The following CCSAP variants were observed in gnomAD, a reference collection of about 807,000 sequenced individuals.
CCSAP encodes the protein centriole, cilia and spindle associated protein.
Under a neutral mutation model 25.9 loss-of-function variants are expected in CCSAP, and 17 were observed. The ratio of observed to expected loss-of-function variants is 0.66; its 90% CI spans 0.45 to 0.99. The LOEUF (loss-of-function observed/expected upper bound fraction) is 0.99. CCSAP is among the 50% of genes least tolerant of loss of function. CCSAP has a pLI of 0.00. For synonymous variants in CCSAP, 169 were observed against 157.1 expected (o/e 1.08, Z -0.57); for missense variants, 339 against 367.8 (o/e 0.92, Z 0.64).
chr1:229,338,532 A>C (rs1658254299), intron 2 of CCSAP, among the ~76,000 whole-genome samples: 2 of 130,358 alleles, frequency 1.5e-5, no homozygotes, highest in Admixed American at 7.7e-5. Context: ...TCCACCCCCA[A>C]ACCCCAACAC....
At chr1:229,339,300 A>G (rs997645686) in intron 2 of CCSAP, among the ~76,000 whole-genome samples, 5 of 152,188 alleles carry the variant, frequency 3.3e-5, no homozygotes, top group Non-Finnish European at 7.3e-5. Context: ...AAAGATCAAG[A>G]TCAAGAATCA....
chr1:229,342,200 G>A lies in CCSAP; in HGVS notation c.266C>T (p.Thr89Ile). The A allele has an allele frequency of 1.6e-6, 2 of 1,261,560 alleles. No homozygotes were observed. Among genetic ancestry groups the A allele is most frequent in the Non-Finnish European group, 2.0e-6 (2 of 1,005,856 alleles). 78.1% of individuals were successfully genotyped at this position (1,261,560 alleles called of 1,614,324 possible). A position where few individuals can be genotyped will look rare whatever the true frequency, so the allele number is the denominator to read the frequency against. The stretch of plus-strand genomic sequence containing the variant: ...CGCCCGCCGTTCCGCCTCCTCCTGG[G>A]TCGCCGGCTCTACGGGCGGCGGGGG... ...PSPPPPVEPA[T>I]QEEAERRARG... The change falls in exon 2 of 4, where the codon ACC (threonine) becomes ATC (isoleucine). Residue 89 changes from threonine (T) to isoleucine (I), a missense_variant. Transcript: ENST00000284617. This position sits in a 1 kb window ranked among gnomAD's most constrained non-coding sequence, Gnocchi z 7.5.
chr1:229,334,598 A>C (rs1658152509), intron 2 of CCSAP, among the ~76,000 whole-genome samples: 1 of 152,158 alleles, frequency 6.6e-6, no homozygotes, highest in Non-Finnish European at 1.5e-5. Flanking sequence ...AAAAATAATA[A>C]ATTAATGAAA....
chr1:229,332,131 C>G (rs1658083013), intron 2 of CCSAP, among the ~76,000 whole-genome samples: 1 of 152,216 alleles, frequency 6.6e-6, no homozygotes, highest in African/African-American at 2.4e-5. Flanking sequence ...GCGTGAGCCA[C>G]TGCGCCCGGC....
intron 2 of CCSAP, among the ~76,000 whole-genome samples, chr1:229,330,454 G>T (rs963581066): frequency 1.3e-5 from 2 of 152,304 alleles, no homozygotes; most frequent in African/African-American, 4.8e-5. Flanking sequence ...TAATGCACAG[G>T]CAAAGAAAGG....
At position 229,327,002 on chromosome 1, in the gene CCSAP, C is replaced by T; in HGVS notation, c.372G>A (p.Leu124=). The part of the protein sequence containing the change: ...EDAEDAALPA[L]PVKDVEDKPE... ...GTTTATCTTCTACATCTTTCACTGG[C>T]AGTGCTTTTGAAAAGAGATAAATGA... Residue 124 remains leucine (L), a synonymous_variant, in exon 3 of 4, where the codon CTG becomes CTA. Coordinates refer to ENST00000284617, the MANE Select transcript of CCSAP (RefSeq NM_145257.5). The T allele has an allele frequency of 6.2e-7, 1 of 1,602,030 alleles. No individual in the cohort carries two copies. Among genetic ancestry groups the T allele is most frequent in the Non-Finnish European group, 8.5e-7 (1 of 1,173,436 alleles).
chr1:229,341,193 C>CAAAAAAAAAAAA (rs71561730), intron 2 of CCSAP, among the ~76,000 whole-genome samples: 21 of 91,108 alleles, frequency 2.3e-4, no homozygotes, highest in African/African-American at 8.7e-4. Context: ...GACTCCGTCT[C>CAAAAAAAAAAAA]AAAAAAAAAA....
chr1:229,342,263 C>G lies in CCSAP; in HGVS notation c.203G>C (p.Gly68Ala). 1.5e-6 allele frequency: 2 copies of G among 1,298,508 alleles called. No individual in the cohort carries two copies. The highest frequency in any genetic ancestry group is 4.7e-5 in the South Asian group (2 of 42,770). The allele number at this position is 1,298,508 out of a possible 1,614,324, so 80.4% of individuals were successfully genotyped here. Reference protein sequence around the residue: ...SEDSASSESSGAGGPAPRCAP... With the variant: ...SEDSASSESSAAGGPAPRCAP... ...GCACCGGGGTGCGGGGCCCCCGGCGCCCGACGACTCTGACGACGCCGAGTC... is the reference window on the plus strand; with the variant it reads ...GCACCGGGGTGCGGGGCCCCCGGCGGCCGACGACTCTGACGACGCCGAGTC... Residue 68 changes from glycine (G) to alanine (A), a missense_variant, in exon 2 of 4, where the codon GGC (glycine) becomes GCC (alanine). By Grantham distance (60) the Gly-to-Ala change is moderately conservative. Transcript: ENST00000284617. This position sits in a 1 kb window ranked among gnomAD's most constrained non-coding sequence, Gnocchi z 7.5.
rs1657810733 is a variant in CCSAP at position 229,321,207 on chromosome 1, C to T, written c.*4028G>A. 1 of 152,174 alleles carries T rather than the reference C, an allele frequency of 6.6e-6. No homozygotes were observed. Among genetic ancestry groups the T allele is most frequent in the Admixed American group, 6.5e-5 (1 of 15,278 alleles). 9.4% of individuals were successfully genotyped at this position (152,174 alleles called of 1,614,324 possible). ...TGCTCAAAACAAACTTACGATAGCACAGGGAAACCTTCCCTAAATAAAGTT... is the reference window on the plus strand; with the variant it reads ...TGCTCAAAACAAACTTACGATAGCATAGGGAAACCTTCCCTAAATAAAGTT... On this transcript the variant is annotated 3_prime_UTR_variant, in exon 4 of 4. Transcript: ENST00000284617.
At chr1:229,328,052 A>G (rs1657989358) in intron 2 of CCSAP, among the ~76,000 whole-genome samples, 1 of 152,162 alleles carries the variant, frequency 6.6e-6, no homozygotes, top group Admixed American at 6.5e-5. Flanking sequence ...TACTCCAAAA[A>G]ATATCTATTC....
rs377295867 is a variant in CCSAP, at chr1:229,321,091, T to C, written c.*4144A>G. 5.3e-5 allele frequency: 8 copies of C among 152,368 alleles called. No individual in the cohort carries two copies. In the South Asian group the frequency reaches 1.7e-3, roughly 32 times the overall value. The allele number at this position is 152,368 out of a possible 1,614,324, so 9.4% of individuals were successfully genotyped here. Reference sequence around the variant, plus strand: ...ATAAGCTAAAAACAATACATAGTTCTTAGAAAATACAACCCCGAATTATTG... The same window carrying C: ...ATAAGCTAAAAACAATACATAGTTCCTAGAAAATACAACCCCGAATTATTG... On this transcript the variant is annotated 3_prime_UTR_variant, in exon 4 of 4. Coordinates refer to ENST00000284617, the MANE Select transcript of CCSAP (RefSeq NM_145257.5).
intron 2 of CCSAP, among the ~76,000 whole-genome samples, chr1:229,338,538 A>AACACACACACACACACACACAC (rs55718200): frequency 7.1e-6 from 1 of 141,820 alleles, no homozygotes; most frequent in African/African-American, 2.6e-5. Flanking sequence ...CCCAAACCCC[A>AACACACACACACACACACACAC]ACACACACAC....
rs752072788 is a variant in CCSAP, at chr1:229,324,794, C to T, written c.*441G>A. ...CAAACAAAACGGCATATAAGGAAAACGAGTCTTATGCTGTAGGATGGAATG... is the reference window on the plus strand; with the variant it reads ...CAAACAAAACGGCATATAAGGAAAATGAGTCTTATGCTGTAGGATGGAATG... On this transcript the variant is annotated 3_prime_UTR_variant, in exon 4 of 4. Transcript: ENST00000284617. The T allele has an allele frequency of 7.8e-5, 12 of 153,034 alleles. No individual in the cohort carries two copies. Among genetic ancestry groups the T allele is most frequent in the South Asian group, 4.1e-4 (2 of 4,844 alleles). The allele number at this position is 153,034 out of a possible 1,614,324, so 9.5% of individuals were successfully genotyped here. A position where few individuals can be genotyped will look rare whatever the true frequency, so the allele number is the denominator to read the frequency against.
intron 2 of CCSAP, among the ~76,000 whole-genome samples, chr1:229,330,576 C>G (rs1198865232): frequency 6.6e-6 from 1 of 152,234 alleles, no homozygotes; most frequent in Non-Finnish European, 1.5e-5. Flanking sequence ...GGCGCGGTGG[C>G]TCACGCCTAT....
chr1:229,337,698 T>TATATATATATAC (rs1473619585), intron 2 of CCSAP, among the ~76,000 whole-genome samples: 5 of 60,694 alleles, frequency 8.2e-5, no homozygotes, highest in African/African-American at 3.2e-4. Context: ...TATATATATA[T>TATATATATATAC]ACACATACAT....
At position 229,325,061 on chromosome 1, in the gene CCSAP, G is replaced by C. The variant is rs978851473; in HGVS notation, c.*174C>G. On this transcript the variant is annotated 3_prime_UTR_variant, in exon 4 of 4. Transcript: ENST00000284617. ...TTCAACTGTCTGCCCTACTGCCGAG[G>C]TAGGTGACCAATATTCATCAAAATA... The C allele has an allele frequency of 1.4e-5, 8 of 559,692 alleles. No individual in the cohort carries two copies. Among genetic ancestry groups the C allele is most frequent in the Non-Finnish European group, 2.1e-5 (7 of 328,500 alleles). 34.7% of individuals were successfully genotyped at this position (559,692 alleles called of 1,614,324 possible).
intron 2 of CCSAP, among the ~76,000 whole-genome samples, chr1:229,329,966 G>C (rs1250682239): frequency 6.6e-6 from 1 of 152,008 alleles, no homozygotes; most frequent in Non-Finnish European, 1.5e-5. Context: ...ACTCCACCCT[G>C]GGCAACAAGA....
intron 2 of CCSAP, among the ~76,000 whole-genome samples, chr1:229,337,678 A>AAAAAAAAAT: frequency 0.053 from 3,456 of 65,308 alleles, 227 homozygotes; most frequent in Non-Finnish European, 0.064. Context: ...CTCAAAAAAA[A>AAAAAAAAAT]ATATATATAT....
At position 229,342,984 on chromosome 1, in the gene CCSAP, A is replaced by T. The variant is rs1658380159; in HGVS notation, c.-121T>A. ...GCGCGTGGCGCAGCAGCTAAAGCGCAGCTCGCTCTCCCGCGCGCTTTCCTC... is the reference window on the plus strand; with the variant it reads ...GCGCGTGGCGCAGCAGCTAAAGCGCTGCTCGCTCTCCCGCGCGCTTTCCTC... On this transcript the variant is annotated 5_prime_UTR_variant, in exon 1 of 4. Coordinates refer to ENST00000284617, the MANE Select transcript of CCSAP (RefSeq NM_145257.5). The surrounding 1 kb of genome is among the most constrained non-coding windows in gnomAD (Gnocchi z 7.5). The T allele has an allele frequency of 6.6e-6, 1 of 152,370 alleles. No individual in the cohort carries two copies. The highest frequency in any genetic ancestry group is 2.4e-5 in the African/African-American group (1 of 41,436). The allele number at this position is 152,370 out of a possible 1,614,324, so 9.4% of individuals were successfully genotyped here. A position where few individuals can be genotyped will look rare whatever the true frequency, so the allele number is the denominator to read the frequency against.
Sources: gnomAD v4.1 joint callset for allele counts (sites outside exome capture counted in the v4.1 genomes callset) on GRCh38, gnomAD v4.1.1 for gene constraint, Gnocchi (gnomAD v3.1) non-coding constraint, MANE v1.5 for transcripts, NCBI Gene and HGNC (gene_info 2026-07-23, HGNC 2026-07-21) for gene names.